Variants in NDC80 observed in about 807,000 individuals in gnomAD.
NDC80 encodes NDC80 kinetochore complex component, also known as kinetochore protein NDC80 homolog.
NDC80 carries 69 observed loss-of-function variants against 89.3 expected under a neutral mutation model. That is an observed-to-expected ratio of 0.77 (90% CI 0.64 to 0.94). The LOEUF is 0.94. NDC80 is among the 40% of genes least tolerant of loss of function. The probability of loss-of-function intolerance (pLI) is 0.00; values close to 1 mark genes in which losing one functional copy is unlikely to be tolerated. For missense variants in NDC80, 593 were observed against 739.6 expected, an observed-to-expected ratio of 0.80 and a Z score of 2.30; for synonymous variants, 243 against 255.6, an observed-to-expected ratio of 0.95 and a Z score of 0.47.
At chr18:2,592,816 C>T (rs1324524347) in intron 10 of NDC80, among the ~76,000 whole-genome samples, 1 of 152,140 alleles carries the variant, frequency 6.6e-6, no homozygotes, top group Non-Finnish European at 1.5e-5. Flanking sequence ...ATCCTCTCCA[C>T]CCTTAGGATG....
chr18:2,595,917 A>G lies in NDC80; in HGVS notation c.1221+296A>G, dbSNP rs1405858676. Among the ~76,000 whole-genome samples, 6 of 152,248 alleles carry G rather than the reference A, an allele frequency of 3.9e-5. No individual in the cohort carries two copies. In the South Asian group the frequency reaches 1.2e-3, roughly 31 times the overall value. On this transcript the variant is annotated intron_variant, in intron 11 of 16. Transcript: ENST00000261597. ...CTTTTACTCTGTAGAAGAGGAAATGAGTCCTTCATTCACCTATTCACTACT... is the reference window on the plus strand; with the variant it reads ...CTTTTACTCTGTAGAAGAGGAAATGGGTCCTTCATTCACCTATTCACTACT...
intron 8 of NDC80, among the ~76,000 whole-genome samples, chr18:2,588,186 A>G (rs2072611174): frequency 6.6e-6 from 1 of 152,228 alleles, no homozygotes; most frequent in Non-Finnish European, 1.5e-5. Flanking sequence ...AAAGTGTAGC[A>G]GCAGTAGATG....
Position 2,606,491 on chromosome 18 carries a change from A to G in NDC80, c.1541A>G (p.Tyr514Cys). The G allele has an allele frequency of 6.2e-7, 1 of 1,602,222 alleles. No homozygotes were observed. Among genetic ancestry groups the G allele is most frequent in the Non-Finnish European group, 8.5e-7 (1 of 1,173,734 alleles). ...KEEVQKLDDL[Y>C]QQKIKEAEEE... The stretch of plus-strand genomic sequence containing the variant: ...GAAGTTCAAAAGCTGGATGATCTTT[A>G]CCAACAAAAAATTAAGGTAAGAACT... Residue 514 changes from tyrosine to cysteine, a missense_variant, in exon 14 of 17, where the codon TAC becomes TGC. Tyr to Cys is a radical substitution (Grantham distance 194, BLOSUM62 -2). Coordinates refer to ENST00000261597, the MANE Select transcript of NDC80 (RefSeq NM_006101.3).
At chr18:2,585,935 G>A (rs977796761) in intron 7 of NDC80, among the ~76,000 whole-genome samples, 2 of 152,168 alleles carry the variant, frequency 1.3e-5, no homozygotes, top group South Asian at 2.1e-4. Context: ...GATATTGCAC[G>A]TGGATAGGTT....
intron 13 of NDC80, among the ~76,000 whole-genome samples, chr18:2,604,397 C>T (rs889650924): frequency 6.6e-6 from 1 of 152,146 alleles, no homozygotes; most frequent in Non-Finnish European, 1.5e-5. Context: ...AGGAGTACAG[C>T]ATGGACCGGG....
At chr18:2,580,228 AT>A (rs948572651) in intron 6 of NDC80, among the ~76,000 whole-genome samples, 6 of 150,448 alleles carry the variant, frequency 4.0e-5, no homozygotes, top group African/African-American at 7.3e-5. Flanking sequence ...TACTCTTCTG[AT>A]TTTTTTTTGT....
intron 15 of NDC80, among the ~76,000 whole-genome samples, chr18:2,610,173 T>C (rs979803079): frequency 2.0e-5 from 3 of 152,234 alleles, no homozygotes; most frequent in Non-Finnish European, 2.9e-5. Context: ...GAGCAACTTA[T>C]ATAAAATCAA....
At position 2,578,141 on chromosome 18, in the gene NDC80, G is replaced by A; in HGVS notation, c.476G>A (p.Gly159Glu). ...EEVPRIFKDL[G>E]YPFALSKSSM... ...GTTCCAAGAATCTTTAAAGACCTTG[G>A]GTATGTATATTTCTTATTAGTTTAG... The change falls in exon 5 of 17, where the codon GGG becomes GAG. Residue 159 changes from glycine to glutamate, a missense_variant and splice_region_variant. Coordinates refer to ENST00000261597, the MANE Select transcript of NDC80 (RefSeq NM_006101.3). 6.2e-7 allele frequency: 1 copy of A among 1,612,432 alleles called. No homozygotes were observed. Among genetic ancestry groups the A allele is most frequent in the Non-Finnish European group, 8.5e-7 (1 of 1,179,424 alleles).
At chr18:2,605,324 GTGTGTA>G (rs200682940) in intron 13 of NDC80, among the ~76,000 whole-genome samples, 4,957 of 121,928 alleles carry the variant, frequency 0.041, 99 homozygotes, top group Non-Finnish European at 0.056. Context: ...GTGTGTGTGT[GTGTGTA>G]TGTACACAAT....
In NDC80 at chr18:2,614,618, AAAG is replaced by A. The variant is rs1424229453; in HGVS notation, c.1792-1816_1792-1814del. On this transcript the variant is annotated intron_variant, in intron 16 of 16. Transcript: ENST00000261597. ...GAAAGAAAGAAAGAAAGAAAGAAAG[AAAG>A]AAAGAAAGAAAGAAAGAAAGAAAGA... Among the ~76,000 whole-genome samples, 2 of 26,308 alleles carry A rather than the reference AAAG, an allele frequency of 7.6e-5. 1 individual carries two copies. The highest frequency in any genetic ancestry group is 2.0e-4 in the Non-Finnish European group (2 of 9,998). 17.3% of individuals were successfully genotyped at this position (26,308 alleles called of 152,430 possible).
At position 2,601,391 on chromosome 18, in the gene NDC80, T is replaced by G. The variant is rs2072683356; in HGVS notation, c.1375-5T>G. ...ATGTCACCCACATTCCTATGTATTT[T>G]ATAGGTACCTCTTAAGGAACTCCTG... On this transcript the variant is annotated splice_region_variant and splice_polypyrimidine_tract_variant and intron_variant, in intron 12 of 16. Coordinates refer to ENST00000261597, the MANE Select transcript of NDC80 (RefSeq NM_006101.3). The G allele has an allele frequency of 7.1e-7, 1 of 1,398,710 alleles. No homozygotes were observed. The highest frequency in any genetic ancestry group is 9.8e-7 in the Non-Finnish European group (1 of 1,020,882). The allele number at this position is 1,398,710 out of a possible 1,614,324, so 86.6% of individuals were successfully genotyped here.
chr18:2,604,076 T>C (rs2072698135), intron 13 of NDC80, among the ~76,000 whole-genome samples: 1 of 151,968 alleles, frequency 6.6e-6, no homozygotes, highest in Non-Finnish European at 1.5e-5. Context: ...GCAAATATTT[T>C]TTGAGTGCTT....
intron 11 of NDC80, among the ~76,000 whole-genome samples, chr18:2,598,619 T>C (rs2143656138): frequency 6.6e-6 from 1 of 152,344 alleles, no homozygotes; most frequent in Admixed American, 6.5e-5. Context: ...GATTATATTC[T>C]ACTTATTTTG....
At chr18:2,583,629 G>A (rs894129576) in intron 6 of NDC80, among the ~76,000 whole-genome samples, 3 of 151,636 alleles carry the variant, frequency 2.0e-5, no homozygotes, top group South Asian at 2.1e-4. Context: ...CCCAGGAAGC[G>A]GAGGTTGCAG....
chr18:2,609,294 T>C (rs182388869), intron 15 of NDC80, among the ~76,000 whole-genome samples: 302 of 152,268 alleles, frequency 2.0e-3, no homozygotes, highest in African/African-American at 6.9e-3. Flanking sequence ...TTCCAAATAG[T>C]TACCATGCTG....
intron 11 of NDC80, among the ~76,000 whole-genome samples, chr18:2,596,018 T>TC (rs1186372727): frequency 6.6e-6 from 1 of 152,160 alleles, no homozygotes; most frequent in Non-Finnish European, 1.5e-5. Context: ...ACATTGGCTT[T>TC]CCCCTCAAAA....
chr18:2,610,001 A>G (rs972054252), intron 15 of NDC80, among the ~76,000 whole-genome samples: 3 of 152,228 alleles, frequency 2.0e-5, no homozygotes, highest in Non-Finnish European at 2.9e-5. Flanking sequence ...AGTACTTTAT[A>G]ATCAAATTAT....
chr18:2,604,982 T>C (rs188853511), intron 13 of NDC80, among the ~76,000 whole-genome samples: 25 of 152,190 alleles, frequency 1.6e-4, no homozygotes, highest in Admixed American at 1.1e-3. Flanking sequence ...TAGTAAATGG[T>C]AGGGACCCAA....
At chr18:2,593,748 G>T in intron 10 of NDC80, 1 of 236,830 alleles carries the variant, frequency 4.2e-6, no homozygotes. Flanking sequence ...GTATATCCTG[G>T]AACCAAAGTA....
Sources: allele counts gnomAD v4.1 joint callset (sites outside exome capture counted in the v4.1 genomes callset), GRCh38; gene constraint gnomAD v4.1.1; transcripts MANE v1.5; gene names NCBI Gene and HGNC (gene_info 2026-07-23, HGNC 2026-07-21).